Variants in DDHD1 observed in about 807,000 individuals in gnomAD.
The protein encoded by DDHD1 is phospholipase DDHD1.
DDHD1 carries 49 observed loss-of-function variants against 96.4 expected under a neutral mutation model. That is an observed-to-expected ratio of 0.51 (90% CI 0.40 to 0.64). The LOEUF is 0.64. DDHD1 is among the 30% of genes least tolerant of loss of function. DDHD1 has a pLI of 0.00. For missense variants in DDHD1, 1,106 were observed against 1,161.2 expected (o/e 0.95, Z 0.69); for synonymous variants, 442 against 446.5 (o/e 0.99, Z 0.13).
At chr14:53,101,042 T>C (rs571334141) in intron 2 of DDHD1, among the ~76,000 whole-genome samples, 153 of 152,310 alleles carry the variant, frequency 1.0e-3, no homozygotes, top group African/African-American at 3.5e-3. Context: ...CACATTACTA[T>C]ACATGGCATC....
chr14:53,134,574 G>T (rs542408788), intron 1 of DDHD1, among the ~76,000 whole-genome samples: 2 of 146,874 alleles, frequency 1.4e-5, no homozygotes, highest in African/African-American at 5.0e-5. Context: ...CAGAACCACC[G>T]AGGCCTCGAC....
chr14:53,109,566 A>G (rs1887954200), intron 1 of DDHD1, among the ~76,000 whole-genome samples: 1 of 151,984 alleles, frequency 6.6e-6, no homozygotes, highest in Non-Finnish European at 1.5e-5. Context: ...TCAGTTATGT[A>G]TGGTTTCTGT....
intron 4 of DDHD1, among the ~76,000 whole-genome samples, chr14:53,079,921 T>C (rs1222837892): frequency 1.3e-5 from 2 of 152,172 alleles, no homozygotes; most frequent in Non-Finnish European, 2.9e-5. Context: ...AAAGGATAAA[T>C]ACATATGCAA....
rs912096696 is a variant in DDHD1 at position 53,039,359 on chromosome 14, C to T, written c.*7409G>A. The T allele has an allele frequency of 1.3e-5, 2 of 152,208 alleles. No individual in the cohort carries two copies. The highest frequency in any genetic ancestry group is 4.8e-5 in the African/African-American group (2 of 41,442). The allele number at this position is 152,208 out of a possible 1,614,324, so 9.4% of individuals were successfully genotyped here. On this transcript the variant is annotated 3_prime_UTR_variant, in exon 13 of 13. Transcript: ENST00000673822. ...GCAAATAAAATCCTATGGAAGGCTT[C>T]TGCCCTATCTAGTTAGGGTTCTGTG...
In DDHD1 at chr14:53,070,844, C is replaced by T. The variant is rs1203784106; in HGVS notation, c.1503+1753G>A. On this transcript the variant is annotated intron_variant, in intron 6 of 12. Coordinates refer to ENST00000673822, the MANE Select transcript of DDHD1 (RefSeq NM_001160148.2). ...GAAAACATATACACTGAATCCATTC[C>T]ATACTTAGTTTTTCAAAGCTTAGTT... is the stretch of plus-strand genomic sequence containing the variant. 2.6e-5 allele frequency among the ~76,000 whole-genome samples: 4 copies of T among 152,018 alleles called. No homozygotes were observed. In the East Asian group the frequency reaches 5.8e-4, roughly 22 times the overall value.
At chr14:53,128,923 G>A (rs529844729) in intron 1 of DDHD1, among the ~76,000 whole-genome samples, 61 of 152,162 alleles carry the variant, frequency 4.0e-4, no homozygotes, top group Non-Finnish European at 5.9e-4. Flanking sequence ...CTGCCCTTGT[G>A]ATAATGCACT....
chr14:53,089,506 CACCACACATCTACAACCATCTGATCTTTG>C (rs1886257765), intron 4 of DDHD1, among the ~76,000 whole-genome samples: 1 of 152,112 alleles, frequency 6.6e-6, no homozygotes, highest in Admixed American at 6.6e-5. Context: ...TCAGAAATAA[CACCACACATCTACAACCATCTGATCTTTG>C]AGAAACCTGA....
chr14:53,060,777 T>C (rs1361424754), intron 8 of DDHD1, among the ~76,000 whole-genome samples: 1 of 152,232 alleles, frequency 6.6e-6, no homozygotes, highest in East Asian at 1.9e-4. Context: ...GCATCTCTCC[T>C]TTCTTTCACT....
intron 1 of DDHD1, among the ~76,000 whole-genome samples, chr14:53,115,345 G>T (rs1888459537): frequency 6.6e-6 from 1 of 152,170 alleles, no homozygotes; most frequent in Admixed American, 6.5e-5. Flanking sequence ...TAGCAAGGCA[G>T]GCCAACATTC....
chr14:53,142,966 T>C (rs1455775281), intron 1 of DDHD1, among the ~76,000 whole-genome samples: 1 of 152,202 alleles, frequency 6.6e-6, no homozygotes, highest in Non-Finnish European at 1.5e-5. Flanking sequence ...GGTTGGAAAT[T>C]TGGAAGAATA....
At chr14:53,140,632 A>G (rs1890582314) in intron 1 of DDHD1, among the ~76,000 whole-genome samples, 1 of 152,224 alleles carries the variant, frequency 6.6e-6, no homozygotes. Context: ...GAGAATCATT[A>G]AACAAAATCC....
chr14:53,050,841 T>G (rs1833662452), intron 12 of DDHD1, among the ~76,000 whole-genome samples: 1 of 152,042 alleles, frequency 6.6e-6, no homozygotes, highest in South Asian at 2.1e-4. Context: ...TAGGATGGTT[T>G]TGAGATACTG....
At chr14:53,114,314 C>T (rs1001750036) in intron 1 of DDHD1, among the ~76,000 whole-genome samples, 3 of 152,216 alleles carry the variant, frequency 2.0e-5, no homozygotes, top group Non-Finnish European at 4.4e-5. Context: ...TTAATCTTTC[C>T]TGCCTGCCGA....
intron 1 of DDHD1, among the ~76,000 whole-genome samples, chr14:53,124,396 GAAT>G (rs1889276980): frequency 6.6e-6 from 1 of 151,928 alleles, no homozygotes; most frequent in Non-Finnish European, 1.5e-5. Context: ...TAATCTAAAA[GAAT>G]AATGCAGGAC....
At chr14:53,063,746 GGGTA>G (rs1270402166) in intron 6 of DDHD1, among the ~76,000 whole-genome samples, 1 of 152,044 alleles carries the variant, frequency 6.6e-6, no homozygotes, top group East Asian at 1.9e-4. Context: ...TTGATCTACT[GGGTA>G]TTTCAAAGTT....
intron 1 of DDHD1, among the ~76,000 whole-genome samples, chr14:53,128,996 A>G (rs1889666632): frequency 6.6e-6 from 1 of 152,168 alleles, no homozygotes; most frequent in African/African-American, 2.4e-5. Context: ...TTGAGAATGT[A>G]CTTTGTGAGA....
chr14:53,082,041 A>G lies in DDHD1; in HGVS notation c.1290-8194T>C, dbSNP rs564824814. Among the ~76,000 whole-genome samples, 6 of 152,324 alleles carry G rather than the reference A, an allele frequency of 3.9e-5. No individual in the cohort carries two copies. In the East Asian group the frequency reaches 1.2e-3, roughly 29 times the overall value. ...AAATCTATTTCTTAAATATCTCATA[A>G]GAACTACTGAGACCAATGGGAGATA... On this transcript the variant is annotated intron_variant, in intron 4 of 12. Coordinates refer to ENST00000673822, the MANE Select transcript of DDHD1 (RefSeq NM_001160148.2).
intron 2 of DDHD1, among the ~76,000 whole-genome samples, chr14:53,097,285 T>C (rs1420109857): frequency 6.6e-6 from 1 of 152,026 alleles, no homozygotes; most frequent in Non-Finnish European, 1.5e-5. Context: ...ATGTAGTATA[T>C]GCAAAGATTT....
chr14:53,125,924 A>G (rs1251936770), intron 1 of DDHD1, among the ~76,000 whole-genome samples: 1 of 152,148 alleles, frequency 6.6e-6, no homozygotes, highest in East Asian at 1.9e-4. Flanking sequence ...GCTGGTCTCG[A>G]ACTCCTGACC....
Sources: allele counts gnomAD v4.1 joint callset (sites outside exome capture counted in the v4.1 genomes callset), GRCh38; gene constraint gnomAD v4.1.1; transcripts MANE v1.5; gene names NCBI Gene and HGNC (gene_info 2026-07-23, HGNC 2026-07-21).